ZBTB49: variants seen among roughly 807,000 people sequenced by gnomAD.
ZBTB49 encodes the protein zinc finger and BTB domain-containing protein 49.
In ZBTB49, 43 loss-of-function variants were observed where a neutral mutation model predicts 57.5. That is an observed-to-expected ratio of 0.75 (90% CI 0.59 to 0.97). ZBTB49 has a LOEUF of 0.97. ZBTB49 is among the 50% of genes least tolerant of loss of function. The probability of loss-of-function intolerance (pLI) is 0.00; values close to 1 mark genes in which losing one functional copy is unlikely to be tolerated. For missense variants in ZBTB49, 938 were observed against 947.7 expected (o/e 0.99, Z 0.13); for synonymous variants, 369 against 362.1 (o/e 1.02, Z -0.22).
chr4:4,317,939 G>T (rs1721256637), intron 7 of ZBTB49, among the ~76,000 whole-genome samples: 1 of 152,096 alleles, frequency 6.6e-6, no homozygotes, highest in Non-Finnish European at 1.5e-5. Context: ...GCTTCGTTGG[G>T]GTTTCACTGC....
chr4:4,300,211 A>T, intron 2 of ZBTB49, 114 bp downstream of exon 2: 1 of 1,187,458 alleles, frequency 8.4e-7, no homozygotes, highest in Non-Finnish European at 1.1e-6. Flanking sequence ...CTTTTATAGC[A>T]CATTGGATTT....
At chr4:4,309,469 G>A (rs1022009681) in intron 4 of ZBTB49, among the ~76,000 whole-genome samples, 2 of 152,232 alleles carry the variant, frequency 1.3e-5, no homozygotes, top group African/African-American at 4.8e-5. Context: ...TTGAGCGCTT[G>A]TCATTTGAGA....
intron 1 of ZBTB49, 105 bp from the exon 2 acceptor site, chr4:4,299,822 T>G: frequency 1.1e-6 from 1 of 943,236 alleles, no homozygotes; most frequent in African/African-American, 1.7e-5. Context: ...AGAGAGAAAC[T>G]GTGATGAGAG....
rs185429101 is a variant in ZBTB49, at chr4:4,301,815, T to G, written c.153-174T>G. On this transcript the variant is annotated intron_variant, in intron 2 of 7. Coordinates refer to ENST00000337872, the MANE Select transcript of ZBTB49 (RefSeq NM_145291.4). ...ATCCACCAATTTAATTCATCTGAATTATTTAGTTGGATGGTTTGCCAGGTT... is the reference window on the plus strand; with the variant it reads ...ATCCACCAATTTAATTCATCTGAATGATTTAGTTGGATGGTTTGCCAGGTT... Among the ~76,000 whole-genome samples, 1,276 of 141,596 alleles carry G rather than the reference T, an allele frequency of 9.0e-3. 13 individuals carry two copies. Among genetic ancestry groups the G allele is most frequent in the African/African-American group, 0.029 (1,202 of 41,204 alleles). The allele number at this position is 141,596 out of a possible 152,430, so 92.9% of individuals were successfully genotyped here. A position where few individuals can be genotyped will look rare whatever the true frequency, so the allele number is the denominator to read the frequency against.
rs563276211 is a variant in ZBTB49, at chr4:4,305,201, T to G, written c.1256-937T>G. On this transcript the variant is annotated intron_variant, in intron 3 of 7. Transcript: ENST00000337872. ...TAATTATTCAGGGTCAAGGAAGCCA[T>G]TAGACATTTTCAGGATAAAATAAAA... is the stretch of plus-strand genomic sequence containing the variant. 8.6e-5 allele frequency among the ~76,000 whole-genome samples: 13 copies of G among 151,922 alleles called. 1 individual carries two copies. In the South Asian group the frequency reaches 2.7e-3, roughly 32 times the overall value.
intron 4 of ZBTB49, among the ~76,000 whole-genome samples, chr4:4,307,492 G>A (rs113774017): frequency 0.015 from 2,210 of 152,276 alleles, 56 homozygotes; most frequent in African/African-American, 0.05. Context: ...TGTGAAACAC[G>A]GATAACAAGA....
At chr4:4,293,260 C>T (rs931533226) in intron 1 of ZBTB49, among the ~76,000 whole-genome samples, 2 of 148,636 alleles carry the variant, frequency 1.3e-5, no homozygotes, top group South Asian at 2.1e-4. Context: ...GTGAGTTAGT[C>T]GCAAAGATGG....
chr4:4,302,965 G>T lies in ZBTB49; in HGVS notation c.1129G>T (p.Glu377Ter), dbSNP rs751664035. ...FNCISETERP[E>*]DPAALEDQSQ... ...TTGCATTAGTGAGACGGAGAGGCCT[G>T]AAGACCCGGCTGCCCTGGAAGACCA... The change falls in exon 3 of 8, where the codon GAA (glutamate) becomes TAA (stop). Residue 377 changes from glutamate (E) to a stop codon, truncating the protein, a stop_gained. Coordinates refer to ENST00000337872, the MANE Select transcript of ZBTB49 (RefSeq NM_145291.4). LOFTEE classifies it high-confidence loss of function. 6.2e-7 allele frequency: 1 copy of T among 1,614,222 alleles called. No individual in the cohort carries two copies. The highest frequency in any genetic ancestry group is 2.2e-5 in the East Asian group (1 of 44,888).
chr4:4,291,463 C>G (rs1288774713), intron 1 of ZBTB49, among the ~76,000 whole-genome samples: 3 of 152,206 alleles, frequency 2.0e-5, no homozygotes, highest in Non-Finnish European at 4.4e-5. Flanking sequence ...AGCCTGATCT[C>G]CAAATACAAT....
At chr4:4,304,024 C>G (rs927584320) in intron 3 of ZBTB49, among the ~76,000 whole-genome samples, 5 of 152,100 alleles carry the variant, frequency 3.3e-5, no homozygotes, top group African/African-American at 1.2e-4. Context: ...CATTTTACGA[C>G]CTTGTATTAT....
intron 7 of ZBTB49, among the ~76,000 whole-genome samples, chr4:4,316,742 G>A (rs1725161009): frequency 2.0e-5 from 3 of 152,184 alleles, no homozygotes. Context: ...AAACCAGCAG[G>A]ACTTCTGCAT....
chr4:4,312,279 C>T (rs1417878977), intron 4 of ZBTB49, among the ~76,000 whole-genome samples: 6 of 152,070 alleles, frequency 3.9e-5, no homozygotes, highest in African/African-American at 1.4e-4. Context: ...AAACCTAATT[C>T]GAAACATTAG....
In ZBTB49 at chr4:4,302,786, C is replaced by T. The variant is rs1186254819; in HGVS notation, c.950C>T (p.Ser317Leu). The change falls in exon 3 of 8, where the codon TCA becomes TTA. Residue 317 changes from serine (S) to leucine (L), a missense_variant. Transcript: ENST00000337872. The stretch of plus-strand genomic sequence containing the variant: ...CTGAAGAAGCTCAATTTCCTGAAGT[C>T]ACAGAAATACGCAGAGCAAGTATCT... Reference protein sequence around the residue: ...IHLKKLNFLKSQKYAEQVSEP... With the variant: ...IHLKKLNFLKLQKYAEQVSEP... 6.2e-7 allele frequency: 1 copy of T among 1,614,074 alleles called. No homozygotes were observed. The highest frequency in any genetic ancestry group is 8.5e-7 in the Non-Finnish European group (1 of 1,180,012).
In ZBTB49 at chr4:4,315,677, A is replaced by G; in HGVS notation, c.1418A>G (p.His473Arg). 1.2e-6 allele frequency: 2 copies of G among 1,614,112 alleles called. No homozygotes were observed. Among genetic ancestry groups the G allele is most frequent in the Non-Finnish European group, 1.7e-6 (2 of 1,180,016 alleles). The change falls in exon 6 of 8, where the codon CAC becomes CGC. Residue 473 changes from histidine to arginine, a missense_variant. Around this residue, in one of 3 missense-constraint regions of ZBTB49, gnomAD observed 835 missense variants for 819.1 expected, o/e 1.02. Transcript: ENST00000337872. ...GACGTCCAGCGTCACATTATTATTC[A>G]CTCAGGAGAAAAACCACACTTGTGT... ...SGDVQRHIII[H>R]SGEKPHLCDI... is the part of the protein sequence containing the mutation.
chr4:4,306,041 A>C, intron 3 of ZBTB49, 97 bp from the exon 4 acceptor site: 1 of 918,858 alleles, frequency 1.1e-6, no homozygotes. Flanking sequence ...GCAGAATGTA[A>C]TGCCATTTTG....
Position 4,303,726 on chromosome 4 carries a change from TTCTCTCTC to T in ZBTB49, c.1255+663_1255+670del, listed in dbSNP as rs148456390. ...TTTCCCAAAAGATTTTTTTAAGGTATTCTCTCTCTCTCTCTCTCTCTCTCTCTCTCTCT... is the reference window on the plus strand; with the variant it reads ...TTTCCCAAAAGATTTTTTTAAGGTATTCTCTCTCTCTCTCTCTCTCTCTCT... On this transcript the variant is annotated intron_variant, in intron 3 of 7. Coordinates refer to ENST00000337872, the MANE Select transcript of ZBTB49 (RefSeq NM_145291.4). 1.6e-4 allele frequency among the ~76,000 whole-genome samples: 20 copies of T among 121,808 alleles called. 1 individual carries two copies. The highest frequency in any genetic ancestry group is 8.1e-4 in the South Asian group (3 of 3,694). The allele number at this position is 121,808 out of a possible 152,430, so 79.9% of individuals were successfully genotyped here. A position where few individuals can be genotyped will look rare whatever the true frequency, so the allele number is the denominator to read the frequency against.
intron 2 of ZBTB49, 76 bp from the exon 3 acceptor site, chr4:4,301,913 A>G (rs1720487793): frequency 3.8e-6 from 5 of 1,307,544 alleles, no homozygotes; most frequent in Admixed American, 2.8e-5. Flanking sequence ...TTTAATATTA[A>G]TATATGAATG....
intron 2 of ZBTB49, among the ~76,000 whole-genome samples, 176 bp from the exon 3 acceptor site, chr4:4,301,813 A>G (rs1476842443): frequency 2.1e-5 from 3 of 141,472 alleles, no homozygotes; most frequent in Non-Finnish European, 3.2e-5. Flanking sequence ...ATTCATCTGA[A>G]TTATTTAGTT....
chr4:4,298,747 A>G (rs747073899), intron 1 of ZBTB49, among the ~76,000 whole-genome samples: 1 of 152,138 alleles, frequency 6.6e-6, no homozygotes, highest in African/African-American at 2.4e-5. Flanking sequence ...CCTAACCTTC[A>G]TAGTCTTGTC....
Sources: gnomAD v4.1 joint callset for allele counts (sites outside exome capture counted in the v4.1 genomes callset) on GRCh38, gnomAD v4.1.1 for gene constraint, gnomAD v4.1.1 regional missense constraint, MANE v1.5 for transcripts, NCBI Gene and HGNC (gene_info 2026-07-23, HGNC 2026-07-21) for gene names.